The following NOX1 variants were observed in gnomAD, a reference collection of about 807,000 sequenced individuals.
NOX1 encodes NADPH oxidase 1, also known as NADH/NADPH mitogenic oxidase subunit P65-MOX.
NOX1 carries 34 observed loss-of-function variants against 42.5 expected under a neutral mutation model. That is an observed-to-expected ratio of 0.80 (90% CI 0.61 to 1.07). The LOEUF is 1.07. NOX1 is among the 50% of genes least tolerant of loss of function. NOX1 has a pLI of 0.00. For synonymous variants in NOX1, 143 were observed against 152.5 expected, an observed-to-expected ratio of 0.94 and a Z score of 0.46; for missense variants, 408 against 427.0, an observed-to-expected ratio of 0.96 and a Z score of 0.39.
Position 100,855,852 on chromosome X carries a change from C to T in NOX1, c.805-4527G>A, listed in dbSNP as rs553804586. 12 of 1,159,474 alleles carry T rather than the reference C, an allele frequency of 1.0e-5. No individual in the cohort carries two copies. In the South Asian group the frequency reaches 2.0e-4, roughly 19 times the overall value. ...CATCTCTTGCTTTGACAGGGCTTTC[C>T]TAACTTCACAGTTGTGGCCATTCAC... On this transcript the variant is annotated intron_variant, in intron 7 of 12. Coordinates refer to ENST00000372966, the MANE Select transcript of NOX1 (RefSeq NM_007052.5).
At position 100,853,304 on chromosome X, in the gene NOX1, T is replaced by TTTC. The variant is rs2085136091; in HGVS notation, c.805-1980_805-1979insGAA. Among the ~76,000 whole-genome samples the TTTC allele has an allele frequency of 3.8e-5, 3 of 78,390 alleles. No individual in the cohort carries two copies. The East Asian group carries it at 1.1e-3, about 28-fold the overall frequency. The allele number at this position is 78,390 out of a possible 115,157, so 68.1% of individuals were successfully genotyped here. A position where few individuals can be genotyped will look rare whatever the true frequency, so the allele number is the denominator to read the frequency against. ...TTTCTTTCTTTCTTTCTTTCTTTCT[T>TTTC]TCTTTCTTTCTTTCTTTCTCTCTCT... On this transcript the variant is annotated intron_variant, in intron 7 of 12. Coordinates refer to ENST00000372966, the MANE Select transcript of NOX1 (RefSeq NM_007052.5).
intron 1 of NOX1, among the ~76,000 whole-genome samples, chrX:100,871,818 C>G (rs924068520): frequency 1.2e-4 from 13 of 111,703 alleles, no homozygotes; most frequent in Admixed American, 7.6e-4. Context: ...AGGACATGGC[C>G]TATTCAGACT....
rs146366505 is a variant in NOX1, at chrX:100,850,349, A to G, written c.935T>C (p.Met312Thr). 685 of 1,199,542 alleles carry G rather than the reference A, an allele frequency of 5.7e-4. No homozygotes were observed. The highest frequency in any genetic ancestry group is 7.3e-4 in the Non-Finnish European group (648 of 889,301). ...MHPSKVLELQ[M>T]NKRGFSMEVG... ...TTCCATGCTGAAGCCACGCTTGTTC[A>G]TCTGCAATTCCAAAACTTTGGATGG... Residue 312 changes from methionine (M) to threonine (T), a missense_variant, in exon 9 of 13, where the codon ATG (methionine) becomes ACG (threonine). Physicochemically the swap from Met to Thr is moderately conservative, Grantham distance 81. Transcript: ENST00000372966.
At chrX:100,856,374 T>TA in intron 7 of NOX1, 1 of 531,099 alleles carries the variant, frequency 1.9e-6, no homozygotes, top group South Asian at 2.7e-5. Context: ...GACTCTGACT[T>TA]AGACAAGATG....
chrX:100,844,454 G>A (rs915191647), intron 12 of NOX1, among the ~76,000 whole-genome samples: 1 of 111,024 alleles, frequency 9.0e-6, no homozygotes, highest in African/African-American at 3.3e-5. Flanking sequence ...CTTTTTTTGA[G>A]ATGGAGTCTT....
chrX:100,863,652 G>A (rs1238089603), intron 2 of NOX1, 57 bp from the exon 3 acceptor site: 12 of 1,153,172 alleles, frequency 1.0e-5, no homozygotes, highest in Non-Finnish European at 1.3e-5. Context: ...TCTAGCACGT[G>A]AGCAACTGAC....
Position 100,862,269 on chromosome X carries a change from T to G in NOX1, c.706A>C (p.Asn236His). 1 of 1,210,928 alleles carries G rather than the reference T, an allele frequency of 8.3e-7. No individual in the cohort carries two copies. Among genetic ancestry groups the G allele is most frequent in the East Asian group, 3.0e-5 (1 of 33,789 alleles). Reference sequence around the variant, plus strand: ...GCACACTTGCGAGGATGACTCTCATTCATGCTCTCCTCTGTTTGACCCCGG... The same window carrying G: ...GCACACTTGCGAGGATGACTCTCATGCATGCTCTCCTCTGTTTGACCCCGG... ...IVRGQTEESM[N>H]ESHPRKCAES... Residue 236 changes from asparagine to histidine, a missense_variant, in exon 7 of 13, where the codon AAT becomes CAT. By Grantham distance (68) the Asn-to-His change is moderately conservative (BLOSUM62 1). Coordinates refer to ENST00000372966, the MANE Select transcript of NOX1 (RefSeq NM_007052.5).
chrX:100,861,312 T>A (rs1569447489), intron 7 of NOX1, among the ~76,000 whole-genome samples: 6 of 111,606 alleles, frequency 5.4e-5, no homozygotes, highest in Admixed American at 4.8e-4. Context: ...AAATGCCAAC[T>A]TTAGAAGACT....
chrX:100,843,325 C>A lies in NOX1; in HGVS notation c.*627G>T. The A allele has an allele frequency of 9.0e-7, 1 of 1,109,928 alleles. No individual in the cohort carries two copies. Among genetic ancestry groups the A allele is most frequent in the Admixed American group, 3.6e-5 (1 of 27,549 alleles). The allele number at this position is 1,109,928 out of a possible 1,213,427, so 91.5% of individuals were successfully genotyped here. On this transcript the variant is annotated 3_prime_UTR_variant, in exon 13 of 13. Transcript: ENST00000372966. Reference sequence around the variant, plus strand: ...AAGAAGTAACAAAAGACTCATTCATCAAGTGAAGAAGAAAATCCTTTATTT... The same window carrying A: ...AAGAAGTAACAAAAGACTCATTCATAAAGTGAAGAAGAAAATCCTTTATTT...
In NOX1 at chrX:100,843,535, C is replaced by A; in HGVS notation, c.*417G>T. ...CAATAAATTTTTATTTAAAAAGTCA[C>A]CCTACTTAGAAATCTTCTGTGGGGG... On this transcript the variant is annotated 3_prime_UTR_variant, in exon 13 of 13. Coordinates refer to ENST00000372966, the MANE Select transcript of NOX1 (RefSeq NM_007052.5). 4.1e-6 allele frequency: 4 copies of A among 980,069 alleles called. No homozygotes were observed. Among genetic ancestry groups the A allele is most frequent in the Admixed American group, 4.8e-5 (1 of 20,675 alleles). 80.8% of individuals were successfully genotyped at this position (980,069 alleles called of 1,213,427 possible). A position where few individuals can be genotyped will look rare whatever the true frequency, so the allele number is the denominator to read the frequency against.
intron 10 of NOX1, 101 bp downstream of exon 10, chrX:100,849,671 A>G (rs2085099053): frequency 2.4e-6 from 2 of 827,557 alleles, no homozygotes; most frequent in Non-Finnish European, 3.4e-6. Flanking sequence ...TCATAACTCC[A>G]GGGATAGGTT....
At chrX:100,871,734 C>T (rs7066543) in intron 1 of NOX1, among the ~76,000 whole-genome samples, 136 of 111,205 alleles carry the variant, frequency 1.2e-3, no homozygotes, top group African/African-American at 3.8e-3. Flanking sequence ...GTCTCCAGGG[C>T]GCTAGTATAT....
At chrX:100,873,226 G>C (rs1258390652) in intron 1 of NOX1, among the ~76,000 whole-genome samples, 1 of 111,377 alleles carries the variant, frequency 9.0e-6, no homozygotes, top group African/African-American at 3.3e-5. Context: ...TGAGAGTGGA[G>C]AGAGGTGTTA....
chrX:100,843,448 TG>T lies in NOX1; in HGVS notation c.*503del. 9.0e-7 allele frequency: 1 copy of T among 1,114,212 alleles called. No homozygotes were observed. Among genetic ancestry groups the T allele is most frequent in the South Asian group, 2.4e-5 (1 of 41,951 alleles). The allele number at this position is 1,114,212 out of a possible 1,213,427, so 91.8% of individuals were successfully genotyped here. A position where few individuals can be genotyped will look rare whatever the true frequency, so the allele number is the denominator to read the frequency against. ...GTACACTGTTGGTGTTATATGGGGA[TG>T]GGGTTCTCGGTAATTTTGTTTATTA... On this transcript the variant is annotated 3_prime_UTR_variant, in exon 13 of 13. Coordinates refer to ENST00000372966, the MANE Select transcript of NOX1 (RefSeq NM_007052.5).
At chrX:100,857,887 G>A (rs1314897484) in intron 7 of NOX1, among the ~76,000 whole-genome samples, 1 of 111,530 alleles carries the variant, frequency 9.0e-6, no homozygotes, top group Non-Finnish European at 1.9e-5. Flanking sequence ...TCTCTTGGTA[G>A]TTGCTTTTGC....
chrX:100,849,490 G>T (rs1435757041), intron 10 of NOX1, 64 bp from the exon 11 acceptor site: 1 of 1,076,097 alleles, frequency 9.3e-7, no homozygotes, highest in Non-Finnish European at 1.3e-6. Flanking sequence ...TTATAGAGCC[G>T]CAAACTTTAG....
At chrX:100,846,762 G>A (rs1210859342) in intron 12 of NOX1, among the ~76,000 whole-genome samples, 1 of 112,113 alleles carries the variant, frequency 8.9e-6, no homozygotes, top group Non-Finnish European at 1.9e-5. Flanking sequence ...TTCATATATT[G>A]TCTCACTTAA....
chrX:100,858,967 T>C (rs2085185284), intron 7 of NOX1, among the ~76,000 whole-genome samples: 1 of 111,600 alleles, frequency 9.0e-6, no homozygotes, highest in Non-Finnish European at 1.9e-5. Context: ...TCCAGCACGA[T>C]GTTAAATAGG....
intron 12 of NOX1, among the ~76,000 whole-genome samples, chrX:100,845,178 C>T (rs1455868361): frequency 9.0e-6 from 1 of 111,455 alleles, no homozygotes. Flanking sequence ...TTTCATCATC[C>T]GCAAAGAAAC....
Sources: gnomAD v4.1 joint callset for allele counts (sites outside exome capture counted in the v4.1 genomes callset) on GRCh38, gnomAD v4.1.1 for gene constraint, MANE v1.5 for transcripts, NCBI Gene and HGNC (gene_info 2026-07-23, HGNC 2026-07-21) for gene names.